SYNE2: variants seen among roughly 807,000 people sequenced by gnomAD.
SYNE2 encodes nesprin-2.
SYNE2 carries 431 observed loss-of-function variants against 856.3 expected under a neutral mutation model. The observed-to-expected ratio is 0.50, with a 90% confidence interval of 0.47 to 0.55. The LOEUF (loss-of-function observed/expected upper bound fraction) is 0.55. Ranked by LOEUF, SYNE2 falls within the 20% of genes least tolerant of loss-of-function variation. The pLI is 0.00. For missense variants in SYNE2, 8,129 were observed against 8,023.2 expected (o/e 1.01, Z -0.50); for synonymous variants, 2,923 against 2,872.3 (o/e 1.02, Z -0.56).
At chr14:63,993,689 T>C (rs991943340) in intron 21 of SYNE2, 146 bp from the exon 22 acceptor site, 17 of 696,034 alleles carry the variant, frequency 2.4e-5, no homozygotes, top group Non-Finnish European at 3.8e-5. Context: ...CAAAGAGAAG[T>C]CTCCTATAAA....
chr14:64,148,530 G>T (rs74058328), intron 84 of SYNE2, among the ~76,000 whole-genome samples: 1 of 151,300 alleles, frequency 6.6e-6, no homozygotes, highest in Non-Finnish European at 1.5e-5. Context: ...CCCTCCCCTC[G>T]CCCCCACCAT....
At chr14:63,804,067 T>C (rs573255167) in intron 1 of SYNE2, among the ~76,000 whole-genome samples, 2 of 152,350 alleles carry the variant, frequency 1.3e-5, no homozygotes, top group Admixed American at 6.5e-5. Context: ...GCCATGATTA[T>C]AAGTTTCCTG....
chr14:63,948,690 GTATATATATATATA>G (rs1202003794), intron 6 of SYNE2, among the ~76,000 whole-genome samples: 4 of 106,596 alleles, frequency 3.8e-5, no homozygotes, highest in Admixed American at 2.3e-4. Context: ...ATATATGTGT[GTATATATATATATA>G]TGTATATATA....
At chr14:64,084,612 GTTTTGGAAATAA>G in intron 57 of SYNE2, 1 of 231,456 alleles carries the variant, frequency 4.3e-6, no homozygotes, top group East Asian at 9.1e-5. Context: ...TAGTGTTCCA[GTTTTGGAAATAA>G]GTTTGGAAAT....
At position 63,982,655 on chromosome 14, in the gene SYNE2, G is replaced by A. The variant is rs765413829; in HGVS notation, c.1862G>A (p.Trp621Ter). The A allele has an allele frequency of 1.2e-6, 2 of 1,614,076 alleles. No individual in the cohort carries two copies. The highest frequency in any genetic ancestry group is 1.1e-5 in the South Asian group (1 of 91,080). Residue 621 changes from tryptophan to a stop codon, truncating the protein, a stop_gained, in exon 17 of 116, where the codon TGG becomes TAG. Coordinates refer to ENST00000555002, the MANE Select transcript of SYNE2 (RefSeq NM_182914.3). LOFTEE classifies it high-confidence loss of function. ...KEVPFETLAQ[W>*]NLEHATLNEA... ...GTACCCTTTGAGACACTAGCCCAGT[G>A]GAATCTAGAACACGCTACTTTAAAT...
chr14:64,141,849 G>C (rs1378597082), intron 81 of SYNE2, 93 bp from the exon 82 acceptor site: 2 of 1,389,482 alleles, frequency 1.4e-6, no homozygotes, highest in African/African-American at 2.9e-5. Flanking sequence ...TATATAGCAA[G>C]ACCTTTTATC....
chr14:63,828,028 C>CA (rs71120298), intron 1 of SYNE2, among the ~76,000 whole-genome samples: 3,007 of 98,328 alleles, frequency 0.031, 43 homozygotes, highest in Middle Eastern at 0.082. Flanking sequence ...CTTCGTCTTT[C>CA]AAAAAAAAAA....
In SYNE2 at chr14:64,212,748, A is replaced by T. The variant is rs2098647793; in HGVS notation, c.18862-63A>T. On this transcript the variant is annotated intron_variant, in intron 104 of 115. Coordinates refer to ENST00000555002, the MANE Select transcript of SYNE2 (RefSeq NM_182914.3). ...TGCTTTTCTATGGCCCTGTTAGAAG[A>T]AACAGGCAGTGGAAGCTCAGGGTAA... 2.7e-6 allele frequency: 4 copies of T among 1,466,570 alleles called. No individual in the cohort carries two copies. The Admixed American group carries it at 6.7e-5, about 25-fold the overall frequency. 90.8% of individuals were successfully genotyped at this position (1,466,570 alleles called of 1,614,324 possible). A position where few individuals can be genotyped will look rare whatever the true frequency, so the allele number is the denominator to read the frequency against.
rs752520876 is a variant in SYNE2, at chr14:64,223,393, G to C, written c.20382+13G>C. The C allele has an allele frequency of 1.9e-6, 3 of 1,613,248 alleles. No individual in the cohort carries two copies. The South Asian group carries it at 3.3e-5, about 18-fold the overall frequency. On this transcript the variant is annotated intron_variant, in intron 113 of 115. Transcript: ENST00000555002. ...GCAGGGAACCCAGGTGAGTCTACTT[G>C]TAGCTTTTAACTGTAAAGATTGCCG...
At chr14:63,841,859 G>A (rs1430026342) in intron 1 of SYNE2, among the ~76,000 whole-genome samples, 1 of 60,460 alleles carries the variant, frequency 1.7e-5, no homozygotes, top group Admixed American at 2.7e-4. Flanking sequence ...TTGAGACATT[G>A]TCTCATTCTG....
intron 32 of SYNE2, among the ~76,000 whole-genome samples, chr14:64,015,086 T>TAA (rs1414726820): frequency 6.8e-6 from 1 of 145,992 alleles, no homozygotes; most frequent in Non-Finnish European, 1.5e-5. Flanking sequence ...TATATATATA[T>TAA]AACGTGTATA....
chr14:64,101,942 A>G lies in SYNE2; in HGVS notation c.12392A>G (p.Glu4131Gly), dbSNP rs765139034. ...ESSVKSDNGD[E>G]KAEPSPQSWS... ...CGTTTACTGTGATAGAATGGAGATG[A>G]GAAGGCAGAGCCATCGCCTCAGTCT... Residue 4131 changes from glutamate to glycine, a missense_variant, in exon 64 of 116, where the codon GAG becomes GGG. Glu to Gly is a moderately conservative substitution (Grantham distance 98). This residue lies in a region of SYNE2 where 5,410 missense variants were observed against 5,284.8 expected (regional missense o/e 1.02). Coordinates refer to ENST00000555002, the MANE Select transcript of SYNE2 (RefSeq NM_182914.3). 4 of 1,613,110 alleles carry G rather than the reference A, an allele frequency of 2.5e-6. No individual in the cohort carries two copies. The African/African-American group carries it at 4.0e-5, about 16-fold the overall frequency.
intron 7 of SYNE2, 53 bp downstream of exon 7, chr14:63,950,059 A>ACACCACCT: frequency 6.4e-7 from 1 of 1,570,882 alleles, no homozygotes; most frequent in South Asian, 1.1e-5. Flanking sequence ...GTATCAACCA[A>ACACCACCT]CACCACCTCA....
At chr14:63,808,006 C>A in intron 1 of SYNE2, among the ~76,000 whole-genome samples, 1 of 72,960 alleles carries the variant, frequency 1.4e-5, no homozygotes, top group Non-Finnish European at 2.6e-5. Context: ...CACCCCCATC[C>A]CACCCTCCCA....
At chr14:64,138,945 TGG>T (rs2098118465) in intron 79 of SYNE2, among the ~76,000 whole-genome samples, 2 of 131,624 alleles carry the variant, frequency 1.5e-5, no homozygotes, top group African/African-American at 6.2e-5. Flanking sequence ...TGTGTATGTA[TGG>T]TGTGTGTGTG....
In SYNE2 at chr14:63,956,600, A is replaced by G. The variant is rs571719478; in HGVS notation, c.787+1685A>G. Among the ~76,000 whole-genome samples the G allele has an allele frequency of 1.1e-4, 16 of 152,290 alleles. No homozygotes were observed. The South Asian group carries it at 2.9e-3, about 28-fold the overall frequency. On this transcript the variant is annotated intron_variant, in intron 8 of 115. Coordinates refer to ENST00000555002, the MANE Select transcript of SYNE2 (RefSeq NM_182914.3). ...ATACCATATGATGTATCATTTAAGT[A>G]TACAAATTAGTGGTTTCTAGTATAC... is the stretch of plus-strand genomic sequence containing the variant.
At chr14:63,778,334 C>A (rs1055778274) in intron 1 of SYNE2, among the ~76,000 whole-genome samples, 1 of 151,906 alleles carries the variant, frequency 6.6e-6, no homozygotes, top group Admixed American at 6.6e-5. Context: ...TCAATTAAAC[C>A]TCTTTTTTTT....
intron 1 of SYNE2, among the ~76,000 whole-genome samples, chr14:63,891,168 AC>A (rs1233056143): frequency 6.6e-6 from 1 of 152,210 alleles, no homozygotes; most frequent in Non-Finnish European, 1.5e-5. Context: ...TCTTTCCTGT[AC>A]CCTCCTAGGT....
At chr14:63,850,082 T>A (rs1165615092), upstream of SYNE2, among the ~76,000 whole-genome samples, 6 of 46,306 alleles carry the variant, frequency 1.3e-4, no homozygotes, top group South Asian at 2.3e-3. Context: ...CAACATACTT[T>A]TTTTTTTTTT....
Sources: gnomAD v4.1 joint callset for allele counts (sites outside exome capture counted in the v4.1 genomes callset) on GRCh38, gnomAD v4.1.1 for gene constraint, gnomAD v4.1.1 regional missense constraint, MANE v1.5 for transcripts, NCBI Gene and HGNC (gene_info 2026-07-23, HGNC 2026-07-21) for gene names.